Variants in COL22A1 observed in about 807,000 individuals in gnomAD.
COL22A1 encodes collagen type XXII alpha 1 chain.
A neutral mutation model predicts 248.9 loss-of-function variants in COL22A1; 221 were observed. That is an observed-to-expected ratio of 0.89 (90% confidence interval 0.80 to 0.99). The LOEUF is 0.99. Among genes scored for constraint, COL22A1 ranks in the 50% least tolerant of loss-of-function variants. The pLI, the probability that COL22A1 is intolerant of heterozygous loss-of-function variation, is 0.00. For synonymous variants in COL22A1, 891 were observed against 793.4 expected (o/e 1.12, Z -2.07); for missense variants, 2,240 against 2,179.0 (o/e 1.03, Z -0.56).
At chr8:138,774,415 CTTTTTTTTTTT>C (rs142280789) in intron 16 of COL22A1, among the ~76,000 whole-genome samples, 1 of 128,088 alleles carries the variant, frequency 7.8e-6, no homozygotes, top group African/African-American at 2.9e-5. Context: ...CAAAAGCATT[CTTTTTTTTTTT>C]TTTTTTTTCT....
intron 30 of COL22A1, 90 bp from the exon 31 acceptor site, chr8:138,703,437 G>T: frequency 8.0e-7 from 1 of 1,245,786 alleles, no homozygotes; most frequent in South Asian, 1.2e-5. Context: ...ATTTTCCCCA[G>T]ACAACAGAAG....
At chr8:138,771,110 A>G (rs1401307622) in intron 16 of COL22A1, among the ~76,000 whole-genome samples, 1 of 152,222 alleles carries the variant, frequency 6.6e-6, no homozygotes, top group African/African-American at 2.4e-5. Flanking sequence ...CCAGGATCAC[A>G]GTGCAGGGCT....
intron 3 of COL22A1, among the ~76,000 whole-genome samples, chr8:138,865,576 C>A (rs1353486879): frequency 8.3e-6 from 1 of 120,966 alleles, no homozygotes; most frequent in Non-Finnish European, 1.7e-5. Context: ...TGTATGTATG[C>A]CTGTGTGTGA....
At chr8:138,639,944 A>G (rs1821518632) in intron 47 of COL22A1, among the ~76,000 whole-genome samples, 1 of 152,236 alleles carries the variant, frequency 6.6e-6, no homozygotes, top group Admixed American at 6.5e-5. Flanking sequence ...ACAGACACAT[A>G]GACGGCCACC....
At chr8:138,650,640 G>A (rs1395142825) in intron 45 of COL22A1, among the ~76,000 whole-genome samples, 1 of 151,894 alleles carries the variant, frequency 6.6e-6, no homozygotes. Flanking sequence ...GATAACACAA[G>A]TAAAGCACTT....
intron 16 of COL22A1, among the ~76,000 whole-genome samples, chr8:138,773,198 A>G (rs1834534699): frequency 6.6e-6 from 1 of 152,196 alleles, no homozygotes; most frequent in Non-Finnish European, 1.5e-5. Flanking sequence ...CAGGAGCGGA[A>G]CCACCACAGG....
intron 1 of COL22A1, among the ~76,000 whole-genome samples, chr8:138,909,375 C>CTTTT (rs57916926): frequency 5.6e-5 from 8 of 142,644 alleles, no homozygotes; most frequent in African/African-American, 1.3e-4. Context: ...GCTGACTTGC[C>CTTTT]TTTTTTTTTT....
chr8:138,649,855 T>G, intron 45 of COL22A1, 77 bp from the exon 46 acceptor site: 1 of 864,802 alleles, frequency 1.2e-6, no homozygotes, highest in Non-Finnish European at 1.8e-6. Context: ...AAAGTAGCCC[T>G]GGCTGCTATC....
chr8:138,774,655 G>A (rs1002698018), intron 16 of COL22A1, among the ~76,000 whole-genome samples: 11 of 152,078 alleles, frequency 7.2e-5, no homozygotes, highest in African/African-American at 1.2e-4. Context: ...TCCTGACCTC[G>A]TGATCCACCT....
chr8:138,733,763 A>T, intron 23 of COL22A1, among the ~76,000 whole-genome samples: 1 of 152,128 alleles, frequency 6.6e-6, no homozygotes, highest in East Asian at 1.9e-4. Flanking sequence ...TGATGCTTTC[A>T]CATCTTGAGG....
At chr8:138,833,307 A>G (rs1408244319) in intron 4 of COL22A1, among the ~76,000 whole-genome samples, 157 bp from the exon 5 acceptor site, 2 of 152,260 alleles carry the variant, frequency 1.3e-5, no homozygotes, top group Non-Finnish European at 2.9e-5. Context: ...GGGAGAAAAC[A>G]CAAGCACCCG....
chr8:138,641,259 T>C (rs926655864), intron 47 of COL22A1, among the ~76,000 whole-genome samples: 30 of 152,228 alleles, frequency 2.0e-4, no homozygotes, highest in African/African-American at 7.2e-4. Flanking sequence ...CAGCAGGTAT[T>C]ATCTCTGCCT....
At chr8:138,900,379 G>T (rs146080006) in intron 1 of COL22A1, among the ~76,000 whole-genome samples, 1 of 152,314 alleles carries the variant, frequency 6.6e-6, no homozygotes, top group East Asian at 1.9e-4. Context: ...CAATGGAATT[G>T]GCTTCAGCCC....
chr8:138,779,763 G>C (rs923212376), intron 13 of COL22A1, among the ~76,000 whole-genome samples: 32 of 152,268 alleles, frequency 2.1e-4, no homozygotes, highest in Admixed American at 1.1e-3. Context: ...GCTGCACACA[G>C]TATTTTTTTT....
chr8:138,745,184 ACTTTT>A (rs1020823475), intron 22 of COL22A1, among the ~76,000 whole-genome samples: 4 of 146,436 alleles, frequency 2.7e-5, no homozygotes, highest in Non-Finnish European at 6.0e-5. Flanking sequence ...TTTTTTACCA[ACTTTT>A]CTTTTTTTTT....
chr8:138,703,990 C>T (rs987452511), intron 30 of COL22A1, among the ~76,000 whole-genome samples: 2 of 152,238 alleles, frequency 1.3e-5, no homozygotes, highest in African/African-American at 2.4e-5. Context: ...CCGCACCTGG[C>T]TCAGAAGGTC....
At chr8:138,743,664 T>C (rs1227267233) in intron 22 of COL22A1, among the ~76,000 whole-genome samples, 1 of 152,224 alleles carries the variant, frequency 6.6e-6, no homozygotes, top group Non-Finnish European at 1.5e-5. Flanking sequence ...AATAAAGAGC[T>C]GTTTTACTAA....
chr8:138,779,886 T>G (rs562193091), intron 13 of COL22A1, among the ~76,000 whole-genome samples: 3 of 152,318 alleles, frequency 2.0e-5, no homozygotes, highest in Non-Finnish European at 4.4e-5. Flanking sequence ...CTGCCTCAGC[T>G]TCCCAAGTAG....
intron 13 of COL22A1, among the ~76,000 whole-genome samples, chr8:138,780,104 G>A (rs567046480): frequency 9.9e-5 from 15 of 152,284 alleles, no homozygotes; most frequent in African/African-American, 3.6e-4. Context: ...GTGGCTGGAA[G>A]TCAACAAAAT....
Sources: gnomAD v4.1 joint callset for allele counts (sites outside exome capture counted in the v4.1 genomes callset) on GRCh38, gnomAD v4.1.1 for gene constraint, MANE v1.5 for transcripts, NCBI Gene and HGNC (gene_info 2026-07-23, HGNC 2026-07-21) for gene names.